The following ASIC2 variants were observed in gnomAD, a reference collection of about 807,000 sequenced individuals.
ASIC2 encodes the protein acid-sensing ion channel 2.
ASIC2 carries 25 observed loss-of-function variants against 57.3 expected under a neutral mutation model. The observed-to-expected ratio is 0.44, with a 90% CI of 0.32 to 0.61. The LOEUF (loss-of-function observed/expected upper bound fraction) is 0.61. Ranked by LOEUF, ASIC2 falls within the 20% of genes least tolerant of loss-of-function variation. The pLI, the probability that ASIC2 is intolerant of heterozygous loss-of-function variation, is 0.06. For synonymous variants in ASIC2, 319 were observed against 307.5 expected, an observed-to-expected ratio of 1.04 and a Z score of -0.39; for missense variants, 641 against 738.1, an observed-to-expected ratio of 0.87 and a Z score of 1.52.
rs35010578 is a variant in ASIC2, at chr17:34,074,782, CT to C, written c.555+81195del. ...GTGTGGCTTTTTTCTTTCTTTCTTT[CT>C]TTTTTTTTTTTTTTTTTTTTGAGAC... On this transcript the variant is annotated intron_variant, in intron 1 of 9. Transcript: ENST00000359872. Among the ~76,000 whole-genome samples the C allele has an allele frequency of 7.9e-3, 897 of 113,924 alleles. 7 individuals carry two copies. The highest frequency in any genetic ancestry group is 0.053 in the East Asian group (198 of 3,766). The allele number at this position is 113,924 out of a possible 152,430, so 74.7% of individuals were successfully genotyped here. A position where few individuals can be genotyped will look rare whatever the true frequency, so the allele number is the denominator to read the frequency against.
chr17:34,108,712 G>A (rs1452635353), intron 1 of ASIC2, among the ~76,000 whole-genome samples: 3 of 152,028 alleles, frequency 2.0e-5, no homozygotes, highest in Admixed American at 6.6e-5. Flanking sequence ...TTTTATCAAT[G>A]ACTAAGAAGA....
At chr17:33,127,302 C>G (rs2092327787) in intron 1 of ASIC2, among the ~76,000 whole-genome samples, 1 of 152,160 alleles carries the variant, frequency 6.6e-6, no homozygotes, top group Non-Finnish European at 1.5e-5. Context: ...GATTAAGAAG[C>G]CCTGGGAACT....
At chr17:33,185,176 C>T (rs1906141474) in intron 1 of ASIC2, among the ~76,000 whole-genome samples, 1 of 152,192 alleles carries the variant, frequency 6.6e-6, no homozygotes, top group Non-Finnish European at 1.5e-5. Context: ...TTAGACTCAT[C>T]TATTTTAAAA....
chr17:33,303,746 T>G (rs1428760153), intron 1 of ASIC2, among the ~76,000 whole-genome samples: 1 of 152,202 alleles, frequency 6.6e-6, no homozygotes, highest in Non-Finnish European at 1.5e-5. Flanking sequence ...TCTTCTAGAC[T>G]TCAGCCTTGC....
intron 1 of ASIC2, among the ~76,000 whole-genome samples, chr17:33,167,889 TATTGTCTGA>T (rs1905362940): frequency 6.6e-6 from 1 of 152,258 alleles, no homozygotes; most frequent in Non-Finnish European, 1.5e-5. Flanking sequence ...AACCAGATGC[TATTGTCTGA>T]ATGTTCCCTC....
chr17:33,507,302 TAC>T (rs1459528240), intron 1 of ASIC2, among the ~76,000 whole-genome samples: 2 of 152,342 alleles, frequency 1.3e-5, no homozygotes, highest in Non-Finnish European at 2.9e-5. Flanking sequence ...TATGCTGAGA[TAC>T]AGAGACAGCC....
At chr17:33,212,539 C>T (rs139429757) in intron 1 of ASIC2, among the ~76,000 whole-genome samples, 2 of 152,338 alleles carry the variant, frequency 1.3e-5, no homozygotes, top group African/African-American at 2.4e-5. Flanking sequence ...GAATAAGTTT[C>T]TGTTGTTTTA....
chr17:33,781,106 G>C (rs1428263613), intron 1 of ASIC2, among the ~76,000 whole-genome samples: 1 of 152,150 alleles, frequency 6.6e-6, no homozygotes, highest in Non-Finnish European at 1.5e-5. Flanking sequence ...TTGGTGTGGA[G>C]GGGGATGGGG....
chr17:33,023,732 C>T, intron 6 of ASIC2, 129 bp downstream of exon 6: 1 of 1,256,164 alleles, frequency 8.0e-7, no homozygotes, highest in Non-Finnish European at 1.1e-6. Context: ...GCGTGACACA[C>T]AGAGGGTGTT....
Position 34,112,670 on chromosome 17 carries a change from T to G in ASIC2, c.555+43308A>C, listed in dbSNP as rs116815849. Among the ~76,000 whole-genome samples the G allele has an allele frequency of 2.2e-3, 330 of 152,200 alleles. 1 individual carries two copies. Among genetic ancestry groups the G allele is most frequent in the African/African-American group, 7.6e-3 (316 of 41,504 alleles). ...GAAGCCAGCATGTGAAACCAACCCT[T>G]CCCTGGTCCTCTGGGCATTTACAAG... On this transcript the variant is annotated intron_variant, in intron 1 of 9. Coordinates refer to the ASIC2 transcript ENST00000359872.
chr17:34,060,239 G>C (rs1038240526), intron 1 of ASIC2, among the ~76,000 whole-genome samples: 27 of 152,306 alleles, frequency 1.8e-4, no homozygotes, highest in African/African-American at 6.0e-4. Flanking sequence ...ACCCAGAAGA[G>C]AGACAACCAT....
intron 1 of ASIC2, among the ~76,000 whole-genome samples, chr17:33,434,621 T>G (rs1911540675): frequency 6.6e-6 from 1 of 152,202 alleles, no homozygotes; most frequent in South Asian, 2.1e-4. Flanking sequence ...GACTTTTATG[T>G]ACAAAGGACA....
At chr17:34,032,617 C>A (rs980911180) in intron 1 of ASIC2, among the ~76,000 whole-genome samples, 1 of 152,132 alleles carries the variant, frequency 6.6e-6, no homozygotes, top group Non-Finnish European at 1.5e-5. Flanking sequence ...TCAGGAAACC[C>A]ATCTCACATG....
chr17:33,776,504 G>C (rs184902091), intron 1 of ASIC2, among the ~76,000 whole-genome samples: 2 of 152,226 alleles, frequency 1.3e-5, no homozygotes, highest in African/African-American at 4.8e-5. Flanking sequence ...AGATGGTAAG[G>C]TTGCCAGATA....
At chr17:33,279,842 G>A (rs749840479) in intron 1 of ASIC2, among the ~76,000 whole-genome samples, 4 of 152,076 alleles carry the variant, frequency 2.6e-5, no homozygotes, top group Non-Finnish European at 4.4e-5. Flanking sequence ...TCTGAGCTTC[G>A]GTTTCCTCAT....
intron 1 of ASIC2, among the ~76,000 whole-genome samples, chr17:34,080,097 A>T: frequency 6.6e-6 from 1 of 152,218 alleles, no homozygotes; most frequent in East Asian, 1.9e-4. Context: ...GGATTGCTAT[A>T]TTCAAGAGCT....
At chr17:33,353,340 T>C (rs1367946838) in intron 1 of ASIC2, among the ~76,000 whole-genome samples, 1 of 152,042 alleles carries the variant, frequency 6.6e-6, no homozygotes, top group Non-Finnish European at 1.5e-5. Context: ...TATCTATTCT[T>C]TTTTGTTTGT....
intron 1 of ASIC2, among the ~76,000 whole-genome samples, chr17:34,085,350 G>A (rs147954159): frequency 4.6e-5 from 7 of 152,306 alleles, no homozygotes; most frequent in African/African-American, 1.4e-4. Flanking sequence ...TTACTGATTT[G>A]TGTATATTGA....
chr17:33,592,294 A>T (rs1904851574), intron 1 of ASIC2, among the ~76,000 whole-genome samples: 1 of 152,200 alleles, frequency 6.6e-6, no homozygotes, highest in Non-Finnish European at 1.5e-5. Context: ...TATTCTGACA[A>T]AGATCATCTG....
Sources: gnomAD v4.1 joint callset for allele counts (sites outside exome capture counted in the v4.1 genomes callset) on GRCh38, gnomAD v4.1.1 for gene constraint, MANE v1.5 for transcripts, NCBI Gene and HGNC (gene_info 2026-07-23, HGNC 2026-07-21) for gene names.